SOBP: variants seen among roughly 807,000 people sequenced by gnomAD.
SOBP encodes sine oculis-binding protein homolog.
A neutral mutation model predicts 53.6 loss-of-function variants in SOBP; 4 were observed. That is an observed-to-expected ratio of 0.07 (90% CI 0.04 to 0.17). The LOEUF (loss-of-function observed/expected upper bound fraction) is 0.17, where lower values mean the gene tolerates loss of function less well. SOBP is among the 10% of genes least tolerant of loss of function. SOBP has a pLI of 1.00. For missense variants in SOBP, 1,088 were observed against 1,204.7 expected (o/e 0.90, Z 1.43); for synonymous variants, 584 against 522.6 (o/e 1.12, Z -1.60).
chr6:107,577,997 C>T (rs759216266), intron 4 of SOBP, among the ~76,000 whole-genome samples: 6 of 149,712 alleles, frequency 4.0e-5, no homozygotes, highest in Non-Finnish European at 7.4e-5. Flanking sequence ...TGGCGTGAAC[C>T]GGGGAGGCGA....
At chr6:107,553,326 A>ATTTT (rs1784519005) in intron 4 of SOBP, among the ~76,000 whole-genome samples, 1 of 145,148 alleles carries the variant, frequency 6.9e-6, no homozygotes, top group Non-Finnish European at 1.5e-5. Context: ...TTATTTATTT[A>ATTTT]TTTATTTATT....
chr6:107,573,538 G>A (rs1420992763), intron 4 of SOBP, among the ~76,000 whole-genome samples: 2 of 152,174 alleles, frequency 1.3e-5, no homozygotes, highest in Non-Finnish European at 2.9e-5. Flanking sequence ...TTTTGCTGAT[G>A]TTTAGGTTCT....
intron 1 of SOBP, among the ~76,000 whole-genome samples, chr6:107,501,249 A>G (rs1401742807): frequency 6.6e-6 from 1 of 152,198 alleles, no homozygotes; most frequent in Non-Finnish European, 1.5e-5. Context: ...TAATATTCCA[A>G]CTGAGGTTTC....
chr6:107,499,670 G>T (rs1045096140), intron 1 of SOBP, among the ~76,000 whole-genome samples: 5 of 152,122 alleles, frequency 3.3e-5, no homozygotes, highest in African/African-American at 1.2e-4. Context: ...CTTTGCAAAA[G>T]GTATTTTATT....
chr6:107,560,501 C>T (rs1322104320), intron 4 of SOBP, among the ~76,000 whole-genome samples: 1 of 152,138 alleles, frequency 6.6e-6, no homozygotes, highest in Non-Finnish European at 1.5e-5. Context: ...TCCCTTTCCC[C>T]AAAACCTGAC....
intron 4 of SOBP, among the ~76,000 whole-genome samples, chr6:107,586,102 C>CT (rs1785558372): frequency 6.6e-6 from 1 of 152,170 alleles, no homozygotes; most frequent in African/African-American, 2.4e-5. Context: ...TCCTACTTCA[C>CT]TAGGGCTTTT....
intron 3 of SOBP, among the ~76,000 whole-genome samples, chr6:107,525,947 G>T (rs74465165): frequency 0.013 from 1,980 of 152,028 alleles, 40 homozygotes; most frequent in African/African-American, 0.045. Context: ...ATCCTGTCAT[G>T]TTCTTTTTTT....
In SOBP at chr6:107,633,609, C is replaced by T; in HGVS notation, c.765C>T (p.Leu255=). The part of the protein sequence containing the change: ...RRLQFCSAKC[L]NQYKMDIFYK... ...TTCAGTTCTGCAGTGCAAAATGTCT[C>T]AATCAATACAAAATGGACATTTTCT... The change falls in exon 6 of 7, where the codon CTC becomes CTT. Residue 255 remains leucine, a synonymous_variant. Coordinates refer to ENST00000317357, the MANE Select transcript of SOBP (RefSeq NM_018013.4). 1.2e-6 allele frequency: 2 copies of T among 1,614,222 alleles called. No homozygotes were observed. The highest frequency in any genetic ancestry group is 1.7e-6 in the Non-Finnish European group (2 of 1,180,044).
In SOBP at chr6:107,533,463, T is replaced by C. The variant is rs766326124; in HGVS notation, c.426T>C (p.Asp142=). 6.2e-7 allele frequency: 1 copy of C among 1,614,072 alleles called. No individual in the cohort carries two copies. Among genetic ancestry groups the C allele is most frequent in the Non-Finnish European group, 8.5e-7 (1 of 1,179,992 alleles). ...TTTCTTATACTTTTATTATAGAAGA[T>C]GATGTGTCAAATGTACAAATAATGT... ...PPPFIKPPAE[D]DVSNVQIMCA... Residue 142 remains aspartate (D), a synonymous_variant, in exon 4 of 7, where the codon GAT becomes GAC. Transcript: ENST00000317357.
intron 6 of SOBP, among the ~76,000 whole-genome samples, chr6:107,655,926 C>T (rs769661155): frequency 3.3e-5 from 5 of 152,160 alleles, no homozygotes; most frequent in Non-Finnish European, 7.4e-5. Context: ...AAAGCAGTTG[C>T]AGCATCCCTA....
At chr6:107,587,387 C>A (rs1260135221) in intron 5 of SOBP, among the ~76,000 whole-genome samples, 1 of 152,116 alleles carries the variant, frequency 6.6e-6, no homozygotes, top group Non-Finnish European at 1.5e-5. Flanking sequence ...GCTTGAATGG[C>A]CCTGTCTTTA....
At chr6:107,580,843 AAGGTCTAGGTGTGAGGC>A (rs757060209) in intron 4 of SOBP, among the ~76,000 whole-genome samples, 41 of 152,204 alleles carry the variant, frequency 2.7e-4, no homozygotes, top group Admixed American at 7.8e-4. Flanking sequence ...ATAGTTGGTG[AAGGTCTAGGTGTGAGGC>A]AGGTGTGATC....
intron 4 of SOBP, among the ~76,000 whole-genome samples, chr6:107,576,260 A>G (rs1242151527): frequency 6.6e-6 from 1 of 152,210 alleles, no homozygotes; most frequent in Non-Finnish European, 1.5e-5. Context: ...AAGTTGCAGT[A>G]TTGCTGCATA....
chr6:107,618,195 C>T (rs772926092), intron 5 of SOBP, among the ~76,000 whole-genome samples: 8 of 152,102 alleles, frequency 5.3e-5, no homozygotes, highest in Non-Finnish European at 1.0e-4. Flanking sequence ...AATGACTGTA[C>T]AGTGTGAACA....
intron 3 of SOBP, 88 bp downstream of exon 3, chr6:107,506,515 A>G: frequency 6.8e-7 from 1 of 1,474,064 alleles, no homozygotes; most frequent in South Asian, 1.1e-5. Context: ...GCTCAAGTTA[A>G]CTTTGGTAGA....
chr6:107,633,348 T>A (rs933208983), intron 5 of SOBP, among the ~76,000 whole-genome samples, 166 bp from the exon 6 acceptor site: 2 of 152,228 alleles, frequency 1.3e-5, no homozygotes, highest in Non-Finnish European at 1.5e-5. Flanking sequence ...AGCCAACCCA[T>A]CATTTTACAA....
At chr6:107,602,967 C>G (rs529743522) in intron 5 of SOBP, among the ~76,000 whole-genome samples, 1 of 123,394 alleles carries the variant, frequency 8.1e-6, no homozygotes, top group South Asian at 3.7e-4. Flanking sequence ...CTCCCCCGTC[C>G]CCCACAAAAA....
chr6:107,569,817 T>C (rs1474518746), intron 4 of SOBP, among the ~76,000 whole-genome samples: 2 of 152,214 alleles, frequency 1.3e-5, no homozygotes, highest in Non-Finnish European at 2.9e-5. Context: ...AAATGCCCTG[T>C]GCGTAATGCA....
intron 3 of SOBP, chr6:107,529,728 G>A (rs1783765405): frequency 6.3e-6 from 3 of 473,932 alleles, no homozygotes; most frequent in Non-Finnish European, 8.3e-6. Flanking sequence ...AACTTCAGCA[G>A]GGCATTCCAG....
Sources: allele counts gnomAD v4.1 joint callset (sites outside exome capture counted in the v4.1 genomes callset), GRCh38; gene constraint gnomAD v4.1.1; transcripts MANE v1.5; gene names NCBI Gene and HGNC (gene_info 2026-07-23, HGNC 2026-07-21).